Variants in INCENP observed in about 807,000 individuals in gnomAD.
The protein encoded by INCENP is inner centromere protein.
INCENP carries 43 observed loss-of-function variants against 107.3 expected under a neutral mutation model. The observed-to-expected ratio is 0.40, with a 90% CI of 0.31 to 0.52. INCENP has a LOEUF of 0.52. Among genes scored for constraint, INCENP ranks in the 20% least tolerant of loss-of-function variants. The probability of loss-of-function intolerance (pLI) is 0.53; values close to 1 mark genes in which losing one functional copy is unlikely to be tolerated. For synonymous variants in INCENP, 488 were observed against 494.4 expected, an observed-to-expected ratio of 0.99 and a Z score of 0.17; for missense variants, 1,089 against 1,250.9, an observed-to-expected ratio of 0.87 and a Z score of 1.95.
At chr11:62,140,373 G>A in intron 8 of INCENP, 88 bp downstream of exon 8, 1 of 1,163,422 alleles carries the variant, frequency 8.6e-7, no homozygotes, top group Non-Finnish European at 1.3e-6. Context: ...GTGGATGTGT[G>A]CTCAGGGGCT....
In INCENP at chr11:62,152,802, T is replaced by C. The variant is rs1270900401; in HGVS notation, c.*826T>C. 1 of 152,186 alleles carries C rather than the reference T, an allele frequency of 6.6e-6. No homozygotes were observed. Among genetic ancestry groups the C allele is most frequent in the African/African-American group, 2.4e-5 (1 of 41,438 alleles). 9.4% of individuals were successfully genotyped at this position (152,186 alleles called of 1,614,324 possible). On this transcript the variant is annotated 3_prime_UTR_variant, in exon 19 of 19. Coordinates refer to ENST00000394818, the MANE Select transcript of INCENP (RefSeq NM_001040694.2). Reference sequence around the variant, plus strand: ...ACCAGTGCTTGCAAGCAGCGAGATATTTCCCCAGCAAAACCAGGCAGCTGC... The same window carrying C: ...ACCAGTGCTTGCAAGCAGCGAGATACTTCCCCAGCAAAACCAGGCAGCTGC...
At position 62,151,937 on chromosome 11, in the gene INCENP, G is replaced by T. The variant is rs200560937; in HGVS notation, c.2718G>T (p.Arg906Ser). The T allele has an allele frequency of 5.6e-6, 9 of 1,612,764 alleles. No individual in the cohort carries two copies. Among genetic ancestry groups the T allele is most frequent in the Non-Finnish European group, 7.6e-6 (9 of 1,180,022 alleles). ...ACTCACCGCCCCTGCAGGGCGCCAG[G>T]GTCCCCAGCAGCCTGGCCTACAGCC... ...VWNSPPLQGARVPSSLAYSLK... is the reference protein window; with the variant it reads ...VWNSPPLQGASVPSSLAYSLK... The change falls in exon 19 of 19, where the codon AGG becomes AGT. Residue 906 changes from arginine (R) to serine (S), a missense_variant. Physicochemically the swap from Arg to Ser is moderately radical, Grantham distance 110. Coordinates refer to ENST00000394818, the MANE Select transcript of INCENP (RefSeq NM_001040694.2).
At chr11:62,135,333 T>C (rs1943969519) in intron 4 of INCENP, among the ~76,000 whole-genome samples, 1 of 152,112 alleles carries the variant, frequency 6.6e-6, no homozygotes, top group South Asian at 2.1e-4. Context: ...AGTGGTGCGA[T>C]CTCAGCTCAC....
At chr11:62,131,645 C>A (rs1943895743) in intron 4 of INCENP, among the ~76,000 whole-genome samples, 1 of 152,124 alleles carries the variant, frequency 6.6e-6, no homozygotes, top group Non-Finnish European at 1.5e-5. Flanking sequence ...TTGAACTTGA[C>A]CCCACTGAAG....
chr11:62,146,038 C>T (rs1675118), intron 14 of INCENP, among the ~76,000 whole-genome samples: 3,315 of 152,296 alleles, frequency 0.022, 128 homozygotes, highest in African/African-American at 0.075. Context: ...GGCTGCTTGA[C>T]CTCTCTGCTT....
Position 62,129,740 on chromosome 11 carries a change from TCCTGCTGCCCGTCTCAGCCTCTGC to T in INCENP, c.255-31_255-8del. The T allele has an allele frequency of 6.5e-7, 1 of 1,529,158 alleles. No individual in the cohort carries two copies. Among genetic ancestry groups the T allele is most frequent in the Non-Finnish European group, 8.9e-7 (1 of 1,129,334 alleles). 94.7% of individuals were successfully genotyped at this position (1,529,158 alleles called of 1,614,324 possible). On this transcript the variant is annotated intron_variant, in intron 3 of 18. Coordinates refer to ENST00000394818, the MANE Select transcript of INCENP (RefSeq NM_001040694.2). ...CTTGGAGAGACTGGGTGCCACCCTG[TCCTGCTGCCCGTCTCAGCCTCTGC>T]CCTGCTGCCCCTGCCAGGTTATCCC...
intron 11 of INCENP, among the ~76,000 whole-genome samples, chr11:62,144,464 T>C (rs1944194180): frequency 6.6e-6 from 1 of 152,256 alleles, no homozygotes; most frequent in Non-Finnish European, 1.5e-5. Flanking sequence ...TTTTATTTTT[T>C]TCAACTATTA....
In INCENP at chr11:62,152,023, A is replaced by G. The variant is rs745604678; in HGVS notation, c.*47A>G. On this transcript the variant is annotated 3_prime_UTR_variant, in exon 19 of 19. Coordinates refer to ENST00000394818, the MANE Select transcript of INCENP (RefSeq NM_001040694.2). ...GCAGCCTCGCCTCCTGTCCATGTCTATCTGTCTGTCTGTCGGTCTCTGTCT... is the reference window on the plus strand; with the variant it reads ...GCAGCCTCGCCTCCTGTCCATGTCTGTCTGTCTGTCTGTCGGTCTCTGTCT... The G allele has an allele frequency of 1.2e-5, 17 of 1,423,604 alleles. No homozygotes were observed. In the African/African-American group the frequency reaches 1.4e-4, roughly 12 times the overall value. The allele number at this position is 1,423,604 out of a possible 1,614,324, so 88.2% of individuals were successfully genotyped here.
intron 4 of INCENP, among the ~76,000 whole-genome samples, chr11:62,132,191 G>C (rs1452566772): frequency 6.6e-6 from 1 of 152,246 alleles, no homozygotes; most frequent in East Asian, 1.9e-4. Context: ...CAGCAGCATT[G>C]TTAGCTTGTG....
chr11:62,140,430 AG>A lies in INCENP; in HGVS notation c.1343+147del, dbSNP rs560539126. ...GTGGCCTGGTGTTGTGACTTAACCA[AG>A]GAGGCAGCTCCATGCTGTGGATGAG... On this transcript the variant is annotated intron_variant, in intron 8 of 18. Coordinates refer to ENST00000394818, the MANE Select transcript of INCENP (RefSeq NM_001040694.2). 481 of 787,908 alleles carry A rather than the reference AG, an allele frequency of 6.1e-4. 2 individuals are homozygous for A. In the African/African-American group the frequency reaches 7.6e-3, roughly 12 times the overall value. The allele number at this position is 787,908 out of a possible 1,614,324, so 48.8% of individuals were successfully genotyped here.
intron 11 of INCENP, chr11:62,144,636 A>G: frequency 1.8e-6 from 1 of 544,802 alleles, no homozygotes; most frequent in Non-Finnish European, 3.6e-6. Flanking sequence ...TTCCAAGCTC[A>G]TCCTTCATTT....
intron 7 of INCENP, 64 bp from the exon 8 acceptor site, chr11:62,140,170 C>T: frequency 6.9e-7 from 1 of 1,447,906 alleles, no homozygotes; most frequent in Non-Finnish European, 9.7e-7. Context: ...TCCCCCTACA[C>T]CCCCATTCCC....
At position 62,146,806 on chromosome 11, in the gene INCENP, G is replaced by A. The variant is rs1056345872; in HGVS notation, c.2108G>A (p.Arg703His). 7.2e-5 allele frequency: 110 copies of A among 1,535,798 alleles called. No individual in the cohort carries two copies. The highest frequency in any genetic ancestry group is 9.0e-5 in the Non-Finnish European group (102 of 1,138,466). ...CAGGAGCGGCGCGAGCAGGAGCGGCGCGAGCAGGAGCGGCGGGAGCAGGAG... is the reference window on the plus strand; with the variant it reads ...CAGGAGCGGCGCGAGCAGGAGCGGCACGAGCAGGAGCGGCGGGAGCAGGAG... ...REQERREQER[R>H]EQERREQERR... The change falls in exon 15 of 19, where the codon CGC becomes CAC. Residue 703 changes from arginine to histidine, a missense_variant. Coordinates refer to ENST00000394818, the MANE Select transcript of INCENP (RefSeq NM_001040694.2).
In INCENP at chr11:62,130,246, C is replaced by A; in HGVS notation, c.719C>A (p.Pro240His). ...SITVSSLMAT[P>H]QDPKGQGVGT... ...ACAGTGAGCTCCCTGATGGCTACAC[C>A]CCAGGACCCCAAGGGTCAAGGGGTC... is the stretch of plus-strand genomic sequence containing the variant. The change falls in exon 4 of 19, where the codon CCC becomes CAC. Residue 240 changes from proline (P) to histidine (H), a missense_variant. Coordinates refer to ENST00000394818, the MANE Select transcript of INCENP (RefSeq NM_001040694.2). 6.2e-7 allele frequency: 1 copy of A among 1,613,592 alleles called. No individual in the cohort carries two copies. Among genetic ancestry groups the A allele is most frequent in the Non-Finnish European group, 8.5e-7 (1 of 1,180,004 alleles).
At chr11:62,141,569 GCC>G (rs1263834836) in intron 11 of INCENP, 58 bp downstream of exon 11, 1 of 1,605,630 alleles carries the variant, frequency 6.2e-7, no homozygotes, top group Non-Finnish European at 8.5e-7. Context: ...ACCCGCTGTA[GCC>G]CCTTCCCTGC....
At position 62,140,787 on chromosome 11, in the gene INCENP, G is replaced by T. The variant is rs957688627; in HGVS notation, c.1427G>T (p.Ser476Ile). 3 of 1,612,390 alleles carry T rather than the reference G, an allele frequency of 1.9e-6. No individual in the cohort carries two copies. The highest frequency in any genetic ancestry group is 3.3e-5 in the Admixed American group (2 of 59,942). ...LEDEELQPPR[S>I]KTPSSPCPAS... Reference sequence around the variant, plus strand: ...GATGAGGAGCTGCAGCCCCCCAGGAGCAAGACCCCTTCCTCACCCTGCCCA... The same window carrying T: ...GATGAGGAGCTGCAGCCCCCCAGGATCAAGACCCCTTCCTCACCCTGCCCA... Residue 476 changes from serine to isoleucine, a missense_variant, in exon 9 of 19, where the codon AGC (serine) becomes ATC (isoleucine). Ser to Ile is a moderately radical substitution (Grantham distance 142, BLOSUM62 -2). Transcript: ENST00000394818.
In INCENP at chr11:62,146,739, G is replaced by C. The variant is rs1397904710; in HGVS notation, c.2041G>C (p.Ala681Pro). The change falls in exon 15 of 19, where the codon GCT becomes CCT. Residue 681 changes from alanine (A) to proline (P), a missense_variant. Physicochemically the swap from Ala to Pro is conservative, Grantham distance 27 (BLOSUM62 -1). Transcript: ENST00000394818. ...GGAGCGGCTGCGGAAGGCGGCCGAG[G>C]CTAAGCGGCTGGCAGAGCAGCGGGA... ...EQERLRKAAE[A>P]KRLAEQREQE... 3 of 1,549,806 alleles carry C rather than the reference G, an allele frequency of 1.9e-6. 1 individual carries two copies. The South Asian group carries it at 3.6e-5, about 18-fold the overall frequency.
chr11:62,129,153 T>G (rs752907701), intron 3 of INCENP, among the ~76,000 whole-genome samples: 7 of 152,168 alleles, frequency 4.6e-5, no homozygotes, highest in Non-Finnish European at 7.3e-5. Context: ...GGGAAAGATT[T>G]CCGTAGGTGG....
At position 62,151,646 on chromosome 11, in the gene INCENP, G is replaced by T. The variant is rs959320384; in HGVS notation, c.2543-116G>T. On this transcript the variant is annotated intron_variant, in intron 18 of 18. Coordinates refer to ENST00000394818, the MANE Select transcript of INCENP (RefSeq NM_001040694.2). ...TACAGGCAGGGGCAGGGCTGAAGAGGGTGACAGAGCTCTCTGTAGGGAGGT... is the reference window on the plus strand; with the variant it reads ...TACAGGCAGGGGCAGGGCTGAAGAGTGTGACAGAGCTCTCTGTAGGGAGGT... The T allele has an allele frequency of 5.0e-6, 4 of 792,576 alleles. No homozygotes were observed. The South Asian group carries it at 6.5e-5, about 13-fold the overall frequency. The allele number at this position is 792,576 out of a possible 1,614,324, so 49.1% of individuals were successfully genotyped here.
Sources: gnomAD v4.1 joint callset for allele counts (sites outside exome capture counted in the v4.1 genomes callset) on GRCh38, gnomAD v4.1.1 for gene constraint, MANE v1.5 for transcripts, NCBI Gene and HGNC (gene_info 2026-07-23, HGNC 2026-07-21) for gene names.